ZHX3: variants seen among roughly 807,000 people sequenced by gnomAD.
ZHX3 encodes the protein zinc fingers and homeoboxes 3, also known as zinc fingers and homeoboxes protein 3.
In ZHX3, 20 loss-of-function variants were observed where a neutral mutation model predicts 64.5. That is an observed-to-expected ratio of 0.31 (90% confidence interval 0.22 to 0.45). The LOEUF (loss-of-function observed/expected upper bound fraction) is 0.45, where lower values mean the gene tolerates loss of function less well. Ranked by LOEUF, ZHX3 falls within the 20% of genes least tolerant of loss-of-function variation. ZHX3 has a pLI of 1.00. For missense variants in ZHX3, 1,041 were observed against 1,195.8 expected (o/e 0.87, Z 1.91); for synonymous variants, 423 against 461.6 (o/e 0.92, Z 1.07).
intron 3 of ZHX3, among the ~76,000 whole-genome samples, chr20:41,196,437 TATATA>T: frequency 2.7e-5 from 1 of 36,520 alleles, no homozygotes; most frequent in Non-Finnish European, 5.0e-5. Flanking sequence ...TATATAAATA[TATATA>T]TTATATATAA....
intron 1 of ZHX3, among the ~76,000 whole-genome samples, chr20:41,274,354 T>C (rs943051234): frequency 1.3e-5 from 2 of 152,214 alleles, no homozygotes; most frequent in African/African-American, 2.4e-5. Flanking sequence ...CTTTTTCATG[T>C]AGTTCAAATC....
At chr20:41,231,379 T>A (rs898575924) in intron 2 of ZHX3, among the ~76,000 whole-genome samples, 4 of 152,296 alleles carry the variant, frequency 2.6e-5, no homozygotes, top group South Asian at 2.1e-4. Context: ...TGCTGCAACC[T>A]AAACACACCA....
intron 2 of ZHX3, among the ~76,000 whole-genome samples, chr20:41,214,238 A>C (rs2039364703): frequency 6.6e-6 from 1 of 152,230 alleles, no homozygotes; most frequent in African/African-American, 2.4e-5. Flanking sequence ...GCCAGTGTTT[A>C]CTGAGTGTTT....
At position 41,200,446 on chromosome 20, in the gene ZHX3, G is replaced by A. The variant is rs553058863; in HGVS notation, c.2860+1611C>T. ...CAAAGACTTGTAGGAGAGACTACCTGCTCTGCATTATAAAAAAGTTAAACT... is the reference window on the plus strand; with the variant it reads ...CAAAGACTTGTAGGAGAGACTACCTACTCTGCATTATAAAAAAGTTAAACT... On this transcript the variant is annotated intron_variant, in intron 3 of 3. Transcript: ENST00000683867. This position sits in a 1 kb window ranked among gnomAD's most constrained non-coding sequence, Gnocchi z 4.2. 6.6e-6 allele frequency among the ~76,000 whole-genome samples: 1 copy of A among 152,288 alleles called. No homozygotes were observed. Among genetic ancestry groups the A allele is most frequent in the Non-Finnish European group, 1.5e-5 (1 of 68,020 alleles).
At chr20:41,246,953 T>G (rs1048951713) in intron 2 of ZHX3, among the ~76,000 whole-genome samples, 2 of 151,856 alleles carry the variant, frequency 1.3e-5, no homozygotes, top group Non-Finnish European at 2.9e-5. Flanking sequence ...TTTATAGACA[T>G]GAACTCTTAT....
intron 2 of ZHX3, among the ~76,000 whole-genome samples, chr20:41,206,985 G>C (rs991324958): frequency 6.6e-6 from 1 of 152,154 alleles, no homozygotes; most frequent in Non-Finnish European, 1.5e-5. Context: ...AGAGAAGTGG[G>C]GGCCGATATT....
chr20:41,192,333 C>A (rs1348663168), intron 3 of ZHX3, among the ~76,000 whole-genome samples: 1 of 152,208 alleles, frequency 6.6e-6, no homozygotes, highest in African/African-American at 2.4e-5. Context: ...CCAGGCTGGG[C>A]AGTCTCATCT....
chr20:41,275,699 T>C (rs2043347041), intron 1 of ZHX3, among the ~76,000 whole-genome samples: 2 of 152,212 alleles, frequency 1.3e-5, no homozygotes, highest in Non-Finnish European at 2.9e-5. Context: ...CCTTCTAACA[T>C]GGCAGATGGA....
chr20:41,265,650 A>G (rs966197455), intron 2 of ZHX3, among the ~76,000 whole-genome samples: 4 of 152,198 alleles, frequency 2.6e-5, no homozygotes. Flanking sequence ...ATTGTCTCAG[A>G]GTCTCTGAGG....
chr20:41,248,786 C>A (rs1342179179), intron 2 of ZHX3, among the ~76,000 whole-genome samples: 1 of 152,208 alleles, frequency 6.6e-6, no homozygotes, highest in Non-Finnish European at 1.5e-5. Flanking sequence ...GTTCACTGAA[C>A]TGGCTCATTT....
In ZHX3 at chr20:41,183,439, TAGA is replaced by T. The variant is rs963948540; in HGVS notation, c.*1749_*1751del. On this transcript the variant is annotated 3_prime_UTR_variant, in exon 4 of 4. Transcript: ENST00000683867. The surrounding 1 kb of genome is among the most constrained non-coding windows in gnomAD (Gnocchi z 5.3). The stretch of plus-strand genomic sequence containing the variant: ...ACAGGGAGGGCAGAAGATGACACTT[TAGA>T]AGAACATGATTTTGGTTTCAAAAGC... 5 of 152,336 alleles carry T rather than the reference TAGA, an allele frequency of 3.3e-5. No individual in the cohort carries two copies. Among genetic ancestry groups the T allele is most frequent in the African/African-American group, 1.2e-4 (5 of 41,568 alleles). 9.4% of individuals were successfully genotyped at this position (152,336 alleles called of 1,614,324 possible).
At chr20:41,256,487 G>A (rs751294431) in intron 2 of ZHX3, among the ~76,000 whole-genome samples, 5 of 151,770 alleles carry the variant, frequency 3.3e-5, no homozygotes, top group Non-Finnish European at 7.4e-5. Flanking sequence ...TTTTTAGAAG[G>A]GGTATAGCTT....
chr20:41,204,320 A>G lies in ZHX3; in HGVS notation c.597T>C (p.Ile199=). The G allele has an allele frequency of 1.2e-6, 2 of 1,614,128 alleles. No homozygotes were observed. The highest frequency in any genetic ancestry group is 1.7e-6 in the Non-Finnish European group (2 of 1,180,026). The stretch of plus-strand genomic sequence containing the variant: ...TAGGGACATTCTCCTTGAGTGTATG[A>G]ATTTTTTTGGCTTCAGCTTTGCCTT... ...IMKGKAEAKK[I]HTLKENVPSQ... Residue 199 remains isoleucine (I), a synonymous_variant, in exon 3 of 4, where the codon ATT becomes ATC. Transcript: ENST00000683867. The surrounding 1 kb of genome is among the most constrained non-coding windows in gnomAD (Gnocchi z 6.6).
chr20:41,199,362 C>T (rs1267234220), intron 3 of ZHX3, among the ~76,000 whole-genome samples: 1 of 152,114 alleles, frequency 6.6e-6, no homozygotes, highest in Non-Finnish European at 1.5e-5. Flanking sequence ...AACTGAGAAT[C>T]TAATTCTGTC....
chr20:41,299,557 A>C (rs1222336462), intron 1 of ZHX3, among the ~76,000 whole-genome samples: 1 of 152,164 alleles, frequency 6.6e-6, no homozygotes, highest in Non-Finnish European at 1.5e-5. Context: ...GAGTAGAAAA[A>C]GACATATGAA....
At chr20:41,207,044 C>T (rs1600775430) in intron 2 of ZHX3, among the ~76,000 whole-genome samples, 1 of 152,138 alleles carries the variant, frequency 6.6e-6, no homozygotes, top group Non-Finnish European at 1.5e-5. Context: ...CATATCCAGC[C>T]AAACTAAGCT....
At chr20:41,198,373 T>C (rs1011348763) in intron 3 of ZHX3, among the ~76,000 whole-genome samples, 6 of 152,194 alleles carry the variant, frequency 3.9e-5, no homozygotes, top group African/African-American at 1.4e-4. Context: ...GCATTTCTGG[T>C]AGGGCATGTC....
In ZHX3 at chr20:41,183,748, G is replaced by A. The variant is rs2036327224; in HGVS notation, c.*1443C>T. ...TAAGAAATGAGCGGAGCTACAGGTGGACAGGTCTTTAGTTCGCCCCTCTTT... is the reference window on the plus strand; with the variant it reads ...TAAGAAATGAGCGGAGCTACAGGTGAACAGGTCTTTAGTTCGCCCCTCTTT... On this transcript the variant is annotated 3_prime_UTR_variant, in exon 4 of 4. Coordinates refer to ENST00000683867, the MANE Select transcript of ZHX3 (RefSeq NM_001384317.1). This position sits in a 1 kb window ranked among gnomAD's most constrained non-coding sequence, Gnocchi z 5.3. 1 of 152,250 alleles carries A rather than the reference G, an allele frequency of 6.6e-6. No homozygotes were observed. The highest frequency in any genetic ancestry group is 1.5e-5 in the Non-Finnish European group (1 of 68,064). 9.4% of individuals were successfully genotyped at this position (152,250 alleles called of 1,614,324 possible).
chr20:41,310,574 T>G (rs940200819), intron 1 of ZHX3, among the ~76,000 whole-genome samples: 1 of 152,110 alleles, frequency 6.6e-6, no homozygotes, highest in Non-Finnish European at 1.5e-5. Context: ...ACGTAAACAG[T>G]ATGCTGGTGA....
Sources: gnomAD v4.1 joint callset for allele counts (sites outside exome capture counted in the v4.1 genomes callset) on GRCh38, gnomAD v4.1.1 for gene constraint, Gnocchi (gnomAD v3.1) non-coding constraint, MANE v1.5 for transcripts, NCBI Gene and HGNC (gene_info 2026-07-23, HGNC 2026-07-21) for gene names.